The following NAXD variants were observed in gnomAD, a reference collection of about 807,000 sequenced individuals.
NAXD encodes the protein ATP-dependent (S)-NAD(P)H-hydrate dehydratase.
In NAXD, 22 loss-of-function variants were observed where a neutral mutation model predicts 35.8. That is an observed-to-expected ratio of 0.62 (90% CI 0.44 to 0.88). The LOEUF is 0.88. Ranked by LOEUF, NAXD falls within the 40% of genes least tolerant of loss-of-function variation. NAXD has a pLI of 0.00. For missense variants in NAXD, 428 were observed against 437.7 expected (o/e 0.98, Z 0.20); for synonymous variants, 189 against 177.6 (o/e 1.06, Z -0.51).
In NAXD at chr13:110,622,385, G is replaced by A. The variant is rs1886303971; in HGVS notation, c.197+19G>A. 6.2e-7 allele frequency: 1 copy of A among 1,608,854 alleles called. No homozygotes were observed. The highest frequency in any genetic ancestry group is 8.5e-7 in the Non-Finnish European group (1 of 1,175,792). ...GTCAGGAGTAAGTAGCTGATGTGCA[G>A]TGTTGGTGTTTAAAAAGTCAGTTGC... On this transcript the variant is annotated intron_variant, in intron 2 of 9. Transcript: ENST00000680254.
At chr13:110,637,390 G>A (rs1352366963) in intron 9 of NAXD, 141 bp downstream of exon 9, 2 of 1,027,602 alleles carry the variant, frequency 1.9e-6, no homozygotes, top group African/African-American at 3.2e-5. Flanking sequence ...CGGCACAGAC[G>A]AACCCTCTTG....
Position 110,615,573 on chromosome 13 carries a change from G to C in NAXD, c.-29G>C. 7.5e-7 allele frequency: 1 copy of C among 1,340,964 alleles called. No individual in the cohort carries two copies. Among genetic ancestry groups the C allele is most frequent in the Non-Finnish European group, 9.6e-7 (1 of 1,044,850 alleles). 83.1% of individuals were successfully genotyped at this position (1,340,964 alleles called of 1,614,324 possible). A position where few individuals can be genotyped will look rare whatever the true frequency, so the allele number is the denominator to read the frequency against. Reference sequence around the variant, plus strand: ...GGCTGTGTTTCCGGCGACGGCGCGGGGGCAGCTGGGAATCCGGAATGCTGC... The same window carrying C: ...GGCTGTGTTTCCGGCGACGGCGCGGCGGCAGCTGGGAATCCGGAATGCTGC... On this transcript the variant is annotated 5_prime_UTR_variant, in exon 1 of 10. Coordinates refer to ENST00000680254, the MANE Select transcript of NAXD (RefSeq NM_001242882.2).
chr13:110,639,548 G>A lies in NAXD; in HGVS notation c.*1020G>A, dbSNP rs566029014. 2 of 152,332 alleles carry A rather than the reference G, an allele frequency of 1.3e-5. No individual in the cohort carries two copies. The highest frequency in any genetic ancestry group is 4.8e-5 in the African/African-American group (2 of 41,548). 9.4% of individuals were successfully genotyped at this position (152,332 alleles called of 1,614,324 possible). A position where few individuals can be genotyped will look rare whatever the true frequency, so the allele number is the denominator to read the frequency against. ...AGCCAACACTCTTCATGGCAGTGTC[G>A]ACCTCGGGTTAGCTTCTGTTGTCTT... On this transcript the variant is annotated 3_prime_UTR_variant, in exon 10 of 10. Coordinates refer to ENST00000680254, the MANE Select transcript of NAXD (RefSeq NM_001242882.2).
chr13:110,628,852 G>A lies in NAXD; in HGVS notation c.441+1305G>A, dbSNP rs1299778579. On this transcript the variant is annotated intron_variant, in intron 5 of 9. Coordinates refer to ENST00000680254, the MANE Select transcript of NAXD (RefSeq NM_001242882.2). The surrounding 1 kb of genome is among the most constrained non-coding windows in gnomAD (Gnocchi z 4.1). ...CTGGGGGTGCGGATGAATTAGAGGT[G>A]AACGAGCCAGAGTGCTCTGCTTCAG... Among the ~76,000 whole-genome samples the A allele has an allele frequency of 6.6e-6, 1 of 152,210 alleles. No homozygotes were observed. Among genetic ancestry groups the A allele is most frequent in the African/African-American group, 2.4e-5 (1 of 41,438 alleles).
chr13:110,634,179 AAG>A (rs754934391), intron 5 of NAXD, among the ~76,000 whole-genome samples: 1 of 152,168 alleles, frequency 6.6e-6, no homozygotes, highest in Non-Finnish European at 1.5e-5. Context: ...GCATTTTATT[AAG>A]AGTCTGCTCA....
intron 1 of NAXD, among the ~76,000 whole-genome samples, chr13:110,620,247 C>G (rs998914022): frequency 7.3e-5 from 11 of 151,680 alleles, no homozygotes; most frequent in Admixed American, 3.3e-4. Context: ...TATAGTGATT[C>G]TGTGCCGGGT....
rs745848353 is a variant in NAXD at position 110,624,231 on chromosome 13, T to C, written c.198-3T>C. 9 of 1,600,936 alleles carry C rather than the reference T, an allele frequency of 5.6e-6. No individual in the cohort carries two copies. Among genetic ancestry groups the C allele is most frequent in the Non-Finnish European group, 7.7e-6 (9 of 1,169,730 alleles). ...TTTTTGACTCTAAATACCTTCTTTTTAGGTACACTGGAGCCCCATATTTTG... is the reference window on the plus strand; with the variant it reads ...TTTTTGACTCTAAATACCTTCTTTTCAGGTACACTGGAGCCCCATATTTTG... On this transcript the variant is annotated splice_polypyrimidine_tract_variant and splice_region_variant and intron_variant, in intron 2 of 9. Coordinates refer to ENST00000680254, the MANE Select transcript of NAXD (RefSeq NM_001242882.2).
chr13:110,615,813 G>A (rs2139621222), intron 1 of NAXD, 166 bp downstream of exon 1: 2 of 1,293,110 alleles, frequency 1.5e-6, no homozygotes, highest in Non-Finnish European at 2.0e-6. Flanking sequence ...CTCGCGGGGG[G>A]GAAGCGCCGC....
intron 1 of NAXD, 89 bp from the exon 2 acceptor site, chr13:110,622,127 C>T (rs964459694): frequency 8.4e-6 from 9 of 1,066,208 alleles, no homozygotes; most frequent in African/African-American, 1.6e-5. Flanking sequence ...TTCGTAATAA[C>T]TTTGGAGAGG....
At chr13:110,618,274 T>G (rs1214956261) in intron 1 of NAXD, among the ~76,000 whole-genome samples, 4 of 152,218 alleles carry the variant, frequency 2.6e-5, no homozygotes, top group Non-Finnish European at 2.9e-5. Context: ...GGATGGCGCT[T>G]CTTGTTCTCC....
chr13:110,638,565 G>T lies in NAXD; in HGVS notation c.*37G>T, dbSNP rs150141078. ...CCAGAAGTAAACAGGCACCTTGGAC[G>T]GGGGAGAGCGTGTGTGTGATGGGAA... is the stretch of plus-strand genomic sequence containing the variant. On this transcript the variant is annotated 3_prime_UTR_variant, in exon 10 of 10. Transcript: ENST00000680254. This position sits in a 1 kb window ranked among gnomAD's most constrained non-coding sequence, Gnocchi z 5.4. The T allele has an allele frequency of 1.2e-4, 190 of 1,608,418 alleles. No homozygotes were observed. The highest frequency in any genetic ancestry group is 1.5e-4 in the Non-Finnish European group (176 of 1,177,436).
chr13:110,635,386 C>T, intron 7 of NAXD, 82 bp from the exon 8 acceptor site: 2 of 1,513,386 alleles, frequency 1.3e-6, no homozygotes, highest in South Asian at 1.2e-5. Context: ...GCATGAGTCT[C>T]ATGGCGGATG....
At chr13:110,617,488 C>G (rs763246985) in intron 1 of NAXD, among the ~76,000 whole-genome samples, 1 of 152,166 alleles carries the variant, frequency 6.6e-6, no homozygotes, top group Non-Finnish European at 1.5e-5. Flanking sequence ...CAAATGGTGA[C>G]GTCAGTAAGC....
rs1235706721 is a variant in NAXD, at chr13:110,628,283, G to A, written c.441+736G>A. 2.6e-5 allele frequency among the ~76,000 whole-genome samples: 4 copies of A among 152,256 alleles called. No individual in the cohort carries two copies. The highest frequency in any genetic ancestry group is 2.0e-4 in the Admixed American group (3 of 15,298). ...CCTCTGAGACCCTTTCTCAAGTTCC[G>A]GGGGACCCCTGTTAGAGCTCCTGGG... On this transcript the variant is annotated intron_variant, in intron 5 of 9. Coordinates refer to ENST00000680254, the MANE Select transcript of NAXD (RefSeq NM_001242882.2). This position sits in a 1 kb window ranked among gnomAD's most constrained non-coding sequence, Gnocchi z 4.1.
At chr13:110,633,403 G>A (rs1487800444) in intron 5 of NAXD, among the ~76,000 whole-genome samples, 1 of 152,196 alleles carries the variant, frequency 6.6e-6, no homozygotes, top group Non-Finnish European at 1.5e-5. Context: ...GTTCCCGCTC[G>A]CGCCTCTCCC....
Position 110,634,556 on chromosome 13 carries a change from A to G in NAXD, c.453A>G (p.Glu151=). 6.2e-7 allele frequency: 1 copy of G among 1,614,178 alleles called. No homozygotes were observed. Among genetic ancestry groups the G allele is most frequent in the Non-Finnish European group, 8.5e-7 (1 of 1,180,016 alleles). ...ALLRNVQGIL[E]VSKARDIPVV... ...TTCTCTTCTGGCAGGGCATTTTGGA[A>G]GTGTCAAAGGCCAGGGACATCCCTG... Residue 151 remains glutamate, a synonymous_variant, in exon 6 of 10, where the codon GAA becomes GAG. Coordinates refer to ENST00000680254, the MANE Select transcript of NAXD (RefSeq NM_001242882.2).
At chr13:110,627,059 G>A (rs1395795028) in intron 4 of NAXD, among the ~76,000 whole-genome samples, 1 of 152,154 alleles carries the variant, frequency 6.6e-6, no homozygotes, top group African/African-American at 2.4e-5. Context: ...TGTAAATCTG[G>A]GCATTAAAAG....
rs769964367 is a variant in NAXD, at chr13:110,638,367, C to G, written c.840-11C>G. Reference sequence around the variant, plus strand: ...ACTTCCCCACACCTCCTGCTGTCCCCCTCTCCGCAGGTCCAGCCCTCTCCT... The same window carrying G: ...ACTTCCCCACACCTCCTGCTGTCCCGCTCTCCGCAGGTCCAGCCCTCTCCT... On this transcript the variant is annotated splice_polypyrimidine_tract_variant and intron_variant, in intron 9 of 9. Transcript: ENST00000680254. The surrounding 1 kb of genome is among the most constrained non-coding windows in gnomAD (Gnocchi z 5.4). The G allele has an allele frequency of 6.2e-7, 1 of 1,613,886 alleles. No homozygotes were observed. The highest frequency in any genetic ancestry group is 1.7e-5 in the Admixed American group (1 of 60,022).
At chr13:110,634,191 A>G (rs1332711863) in intron 5 of NAXD, among the ~76,000 whole-genome samples, 7 of 152,120 alleles carry the variant, frequency 4.6e-5, no homozygotes, top group Non-Finnish European at 1.0e-4. Context: ...GAGTCTGCTC[A>G]ATTTTCTGTC....
Sources: allele counts gnomAD v4.1 joint callset (sites outside exome capture counted in the v4.1 genomes callset), GRCh38; gene constraint gnomAD v4.1.1; non-coding constraint Gnocchi (gnomAD v3.1); transcripts MANE v1.5; gene names NCBI Gene and HGNC (gene_info 2026-07-23, HGNC 2026-07-21).